RIOK1: variants seen among roughly 807,000 people sequenced by gnomAD.
The protein encoded by RIOK1 is serine/threonine-protein kinase RIO1.
A neutral mutation model predicts 73.5 loss-of-function variants in RIOK1; 66 were observed. The ratio of observed to expected loss-of-function variants is 0.90; its 90% CI spans 0.74 to 1.10. RIOK1 has a LOEUF of 1.10. RIOK1 is among the 50% of genes least tolerant of loss of function. The pLI is 0.00. For missense variants in RIOK1, 658 were observed against 699.8 expected (o/e 0.94, Z 0.67); for synonymous variants, 224 against 226.8 (o/e 0.99, Z 0.11).
At chr6:7,395,687 T>C (rs1209156317) in intron 3 of RIOK1, among the ~76,000 whole-genome samples, 1 of 152,020 alleles carries the variant, frequency 6.6e-6, no homozygotes, top group African/African-American at 2.4e-5. Flanking sequence ...CAAAAACCCA[T>C]TTAAGTATTG....
intron 12 of RIOK1, among the ~76,000 whole-genome samples, chr6:7,409,460 A>G (rs34855016): frequency 0.51 from 77,424 of 151,022 alleles, 20,683 homozygotes; most frequent in Middle Eastern, 0.63. Flanking sequence ...CACCATGTTG[A>G]CTAGGCTGGT....
chr6:7,395,065 ACCT>A lies in RIOK1; in HGVS notation c.292_294del (p.Ser98del). The A allele has an allele frequency of 6.2e-7, 1 of 1,613,882 alleles. No individual in the cohort carries two copies. Among genetic ancestry groups the A allele is most frequent in the Non-Finnish European group, 8.5e-7 (1 of 1,179,858 alleles). ...AATTCCCTTCTAGGCAAATCGACAG[ACCT>A]CCGACAGCAGTTCAGCCAAAATGTC... On this transcript the variant is annotated inframe_deletion, in exon 3 of 17. Transcript: ENST00000379834.
intron 1 of RIOK1, 151 bp downstream of exon 1, chr6:7,390,224 A>C (rs1004235358): frequency 3.0e-6 from 2 of 660,850 alleles, no homozygotes; most frequent in African/African-American, 3.8e-5. Context: ...TCTGCATCCC[A>C]GCTGGGTTTT....
At chr6:7,400,455 C>T (rs1326236133) in intron 5 of RIOK1, among the ~76,000 whole-genome samples, 2 of 152,082 alleles carry the variant, frequency 1.3e-5, no homozygotes, top group Non-Finnish European at 1.5e-5. Flanking sequence ...TTGAGATGTG[C>T]TTTAAATGCA....
At chr6:7,396,920 T>TGTGTGTGTGTGTGTGTGTGTGTGTG in intron 4 of RIOK1, 148 bp downstream of exon 4, 1 of 525,174 alleles carries the variant, frequency 1.9e-6, no homozygotes, top group Non-Finnish European at 3.4e-6. Flanking sequence ...TGTGTGTGTG[T>TGTGTGTGTGTGTGTGTGTGTGTGTG]TTTCCTTAGC....
chr6:7,412,550 C>T lies in RIOK1; in HGVS notation c.1390-339C>T, dbSNP rs191329811. On this transcript the variant is annotated intron_variant, in intron 14 of 16. Coordinates refer to ENST00000379834, the MANE Select transcript of RIOK1 (RefSeq NM_031480.3). ...GCTGTAATCCCTGCTACTCAGGAGG[C>T]TGAGGCAGGAGAATCTCCTGAACCC... 2.0e-4 allele frequency among the ~76,000 whole-genome samples: 31 copies of T among 151,628 alleles called. 1 individual carries two copies. Among genetic ancestry groups the T allele is most frequent in the Admixed American group, 1.1e-3 (16 of 15,214 alleles).
At chr6:7,412,731 A>G (rs540527323) in intron 14 of RIOK1, among the ~76,000 whole-genome samples, 158 bp from the exon 15 acceptor site, 1 of 151,938 alleles carries the variant, frequency 6.6e-6, no homozygotes, top group Admixed American at 6.6e-5. Context: ...TATCAATATT[A>G]TAAACTTCCT....
chr6:7,414,904 C>T (rs76448312), intron 16 of RIOK1, among the ~76,000 whole-genome samples: 2,438 of 152,286 alleles, frequency 0.016, 87 homozygotes, highest in African/African-American at 0.055. Flanking sequence ...TGTCCTCCTC[C>T]ATCCTGCCTG....
intron 3 of RIOK1, among the ~76,000 whole-genome samples, chr6:7,395,487 T>C (rs1045778254): frequency 7.4e-5 from 10 of 135,484 alleles, no homozygotes; most frequent in Admixed American, 3.2e-4. Flanking sequence ...CACTCCAACC[T>C]GGACAATAAG....
chr6:7,402,704 T>C lies in RIOK1; in HGVS notation c.675T>C (p.Ser225=), dbSNP rs1386048955. Residue 225 remains serine (S), a synonymous_variant, in exon 7 of 17, where the codon AGT becomes AGC. Transcript: ENST00000379834. ...LVFKDRDKYV[S]GEFRFRHGYC... ...TCAAAGATCGGGATAAATATGTAAG[T>C]GGAGAATTCAGGTAAGTTCAGATTT... is the stretch of plus-strand genomic sequence containing the variant. 2 of 1,609,440 alleles carry C rather than the reference T, an allele frequency of 1.2e-6. No individual in the cohort carries two copies. Among genetic ancestry groups the C allele is most frequent in the Admixed American group, 1.7e-5 (1 of 59,426 alleles).
At chr6:7,394,650 C>T (rs951513019) in intron 2 of RIOK1, among the ~76,000 whole-genome samples, 1 of 152,194 alleles carries the variant, frequency 6.6e-6, no homozygotes, top group Non-Finnish European at 1.5e-5. Context: ...ATTTCCCTCT[C>T]TTGAGACATT....
chr6:7,411,908 T>G (rs1353188524), intron 14 of RIOK1, among the ~76,000 whole-genome samples: 1 of 152,184 alleles, frequency 6.6e-6, no homozygotes, highest in African/African-American at 2.4e-5. Flanking sequence ...TTCGTGAAAT[T>G]AGAAATACTT....
intron 2 of RIOK1, among the ~76,000 whole-genome samples, chr6:7,393,671 C>G (rs1272731311): frequency 6.6e-6 from 1 of 152,134 alleles, no homozygotes; most frequent in Non-Finnish European, 1.5e-5. Context: ...CGTTTTTTCA[C>G]CTGTGAAACT....
chr6:7,417,339 A>G lies in RIOK1; in HGVS notation c.1605A>G (p.Lys535=). 1.3e-6 allele frequency: 2 copies of G among 1,535,178 alleles called. No homozygotes were observed. The highest frequency in any genetic ancestry group is 1.7e-6 in the Non-Finnish European group (2 of 1,142,878). The change falls in exon 17 of 17, where the codon AAA becomes AAG. Residue 535 remains lysine, a synonymous_variant. Coordinates refer to ENST00000379834, the MANE Select transcript of RIOK1 (RefSeq NM_031480.3). ...TTGTTTGTTTTTTACAGGAAAGAAA[A>G]AAGATGGTCAAGGAAGCCCAGAGAG... ...TDPDIDKKER[K]KMVKEAQREK...
intron 12 of RIOK1, among the ~76,000 whole-genome samples, chr6:7,409,972 C>T (rs1761848345): frequency 6.6e-6 from 1 of 152,182 alleles, no homozygotes. Flanking sequence ...GCCGTATATT[C>T]AAGATTTACA....
intron 3 of RIOK1, among the ~76,000 whole-genome samples, chr6:7,395,559 C>A (rs535550959): frequency 6.6e-6 from 1 of 150,978 alleles, no homozygotes; most frequent in East Asian, 1.9e-4. Context: ...TCAAGTGTTA[C>A]TAACTCAATA....
chr6:7,407,886 C>T (rs536857908), intron 12 of RIOK1, among the ~76,000 whole-genome samples: 10 of 152,016 alleles, frequency 6.6e-5, no homozygotes, highest in Non-Finnish European at 1.3e-4. Context: ...ATGTTTATTC[C>T]CATTCTGTGA....
intron 13 of RIOK1, 118 bp from the exon 14 acceptor site, chr6:7,411,214 A>G (rs1342077850): frequency 1.8e-6 from 2 of 1,096,558 alleles, no homozygotes; most frequent in Admixed American, 2.2e-5. Context: ...TTAGCCAAGC[A>G]TCAGTGTTAG....
At chr6:7,393,379 C>A in intron 2 of RIOK1, 76 bp downstream of exon 2, 1 of 1,217,820 alleles carries the variant, frequency 8.2e-7, no homozygotes, top group Non-Finnish European at 1.2e-6. Flanking sequence ...TTTTGTGATT[C>A]TGAAATTGAA....
Sources: gnomAD v4.1 joint callset for allele counts (sites outside exome capture counted in the v4.1 genomes callset) on GRCh38, gnomAD v4.1.1 for gene constraint, MANE v1.5 for transcripts, NCBI Gene and HGNC (gene_info 2026-07-23, HGNC 2026-07-21) for gene names.